Variants in KIAA0825 observed in about 807,000 individuals in gnomAD.
The protein encoded by KIAA0825 is uncharacterized protein KIAA0825.
In KIAA0825, 119 loss-of-function variants were observed where a neutral mutation model predicts 147.6. That is an observed-to-expected ratio of 0.81 (90% confidence interval 0.69 to 0.94). KIAA0825 has a LOEUF of 0.94. Ranked by LOEUF, KIAA0825 falls within the 40% of genes least tolerant of loss-of-function variation. KIAA0825 has a pLI of 0.00. For synonymous variants in KIAA0825, 470 were observed against 518.1 expected, an observed-to-expected ratio of 0.91 and a Z score of 1.26; for missense variants, 1,381 against 1,472.7, an observed-to-expected ratio of 0.94 and a Z score of 1.02.
At chr5:94,247,288 A>C (rs1966938) in intron 20 of KIAA0825, among the ~76,000 whole-genome samples, 53,698 of 151,940 alleles carry the variant, frequency 0.35, 9,682 homozygotes, top group Admixed American at 0.43. Context: ...CACAGAACAT[A>C]CTACTTTTGA....
intron 20 of KIAA0825, among the ~76,000 whole-genome samples, chr5:94,220,714 G>A (rs959465132): frequency 3.3e-5 from 5 of 152,106 alleles, no homozygotes; most frequent in Admixed American, 6.5e-5. Context: ...TGACTATATA[G>A]AGACAATTAA....
chr5:94,474,523 G>T (rs1253983900), intron 7 of KIAA0825, among the ~76,000 whole-genome samples: 1 of 151,914 alleles, frequency 6.6e-6, no homozygotes, highest in South Asian at 2.1e-4. Flanking sequence ...GATTTCTATG[G>T]TCCCTTTTAT....
chr5:94,417,488 A>G, intron 14 of KIAA0825, 123 bp from the exon 15 acceptor site: 1 of 729,094 alleles, frequency 1.4e-6, no homozygotes, highest in Non-Finnish European at 2.1e-6. Flanking sequence ...AGATTTACAT[A>G]AAAAGAGAAT....
intron 7 of KIAA0825, 146 bp from the exon 8 acceptor site, chr5:94,473,665 A>T: frequency 1.6e-6 from 1 of 611,952 alleles, no homozygotes; most frequent in Non-Finnish European, 2.8e-6. Flanking sequence ...CAACCTAAAA[A>T]ATATTACCTA....
At chr5:94,371,497 C>A (rs1746704354) in intron 20 of KIAA0825, among the ~76,000 whole-genome samples, 1 of 152,074 alleles carries the variant, frequency 6.6e-6, no homozygotes, top group Non-Finnish European at 1.5e-5. Flanking sequence ...GAAGGGGAAG[C>A]AAATACATCC....
chr5:94,500,661 G>A (rs1032936670), intron 5 of KIAA0825, among the ~76,000 whole-genome samples: 19 of 152,140 alleles, frequency 1.2e-4, no homozygotes, highest in African/African-American at 3.9e-4. Context: ...TCTCCAGGGC[G>A]AGATCAGTCC....
chr5:94,613,852 G>A (rs537293304), intron 1 of KIAA0825, among the ~76,000 whole-genome samples: 3 of 152,326 alleles, frequency 2.0e-5, no homozygotes, highest in Non-Finnish European at 2.9e-5. Flanking sequence ...GGAGGCTAAC[G>A]CCTCATTATA....
chr5:94,496,958 T>G (rs542556425), intron 5 of KIAA0825, among the ~76,000 whole-genome samples: 10 of 152,192 alleles, frequency 6.6e-5, no homozygotes, highest in Non-Finnish European at 1.3e-4. Flanking sequence ...CCATGTCTCA[T>G]TTGCTGGCTC....
intron 20 of KIAA0825, among the ~76,000 whole-genome samples, chr5:94,223,123 A>T (rs190456014): frequency 2.5e-3 from 383 of 152,300 alleles, no homozygotes; most frequent in Non-Finnish European, 4.7e-3. Context: ...CTTCCAAAAA[A>T]TTACATTTTT....
At chr5:94,288,910 C>T (rs1392703072) in intron 20 of KIAA0825, among the ~76,000 whole-genome samples, 1 of 152,092 alleles carries the variant, frequency 6.6e-6, no homozygotes, top group Non-Finnish European at 1.5e-5. Context: ...AAAGACCTAC[C>T]TCAAATGTGA....
intron 2 of KIAA0825, among the ~76,000 whole-genome samples, chr5:94,555,545 T>C (rs1040293385): frequency 1.3e-5 from 2 of 152,192 alleles, no homozygotes; most frequent in Non-Finnish European, 1.5e-5. Context: ...TAATTATTTA[T>C]ATATGTGTGT....
intron 14 of KIAA0825, among the ~76,000 whole-genome samples, chr5:94,433,020 C>T (rs1755886094): frequency 6.6e-6 from 1 of 151,950 alleles, no homozygotes; most frequent in Non-Finnish European, 1.5e-5. Context: ...TAAGTTGATT[C>T]ATTCATTTTA....
intron 20 of KIAA0825, among the ~76,000 whole-genome samples, chr5:94,274,854 G>A (rs1463313205): frequency 6.6e-6 from 1 of 152,134 alleles, no homozygotes; most frequent in East Asian, 1.9e-4. Context: ...CGAGGCCTTA[G>A]ATTGTAGCAG....
intron 20 of KIAA0825, among the ~76,000 whole-genome samples, chr5:94,357,861 C>G (rs1353750544): frequency 6.6e-6 from 1 of 150,596 alleles, no homozygotes. Flanking sequence ...AAGACGTATT[C>G]AAGTAACATG....
At chr5:94,519,789 G>T (rs1584759554) in intron 5 of KIAA0825, 1 of 817,156 alleles carries the variant, frequency 1.2e-6, no homozygotes, top group Non-Finnish European at 1.5e-6. Flanking sequence ...AGCTTTGGAA[G>T]ATACAATGGA....
At chr5:94,580,208 A>G (rs1321375725) in intron 2 of KIAA0825, among the ~76,000 whole-genome samples, 1 of 152,194 alleles carries the variant, frequency 6.6e-6, no homozygotes, top group African/African-American at 2.4e-5. Flanking sequence ...GTCATTGATT[A>G]AAACCAGAGC....
At chr5:94,488,989 G>A (rs1480961980) in intron 5 of KIAA0825, among the ~76,000 whole-genome samples, 1 of 152,208 alleles carries the variant, frequency 6.6e-6, no homozygotes, top group African/African-American at 2.4e-5. Flanking sequence ...GGGGGACACT[G>A]CTCTGGATTC....
At chr5:94,199,528 A>C (rs999091592) in intron 20 of KIAA0825, among the ~76,000 whole-genome samples, 1 of 151,874 alleles carries the variant, frequency 6.6e-6, no homozygotes, top group Non-Finnish European at 1.5e-5. Flanking sequence ...GAGGCAGCTG[A>C]GGGTAACTGC....
chr5:94,374,015 T>C (rs909129707), intron 20 of KIAA0825, among the ~76,000 whole-genome samples: 14 of 152,176 alleles, frequency 9.2e-5, no homozygotes, highest in African/African-American at 3.1e-4. Context: ...GTGGAAAATA[T>C]GCTAAAACTT....
Sources: gnomAD v4.1 joint callset for allele counts (sites outside exome capture counted in the v4.1 genomes callset) on GRCh38, gnomAD v4.1.1 for gene constraint, MANE v1.5 for transcripts, NCBI Gene and HGNC (gene_info 2026-07-23, HGNC 2026-07-21) for gene names.